The following TMPRSS2 variants were observed in gnomAD, a reference collection of about 807,000 sequenced individuals.
TMPRSS2 encodes transmembrane protease serine 2.
A neutral mutation model predicts 67.4 loss-of-function variants in TMPRSS2; 59 were observed. The ratio of observed to expected loss-of-function variants is 0.88; its 90% CI spans 0.71 to 1.09. The LOEUF (loss-of-function observed/expected upper bound fraction) is 1.09, where lower values mean the gene tolerates loss of function less well. Ranked by LOEUF, TMPRSS2 falls within the 50% of genes least tolerant of loss-of-function variation. TMPRSS2 has a pLI of 0.00. For synonymous variants in TMPRSS2, 257 were observed against 257.0 expected, an observed-to-expected ratio of 1.00 and a Z score of 0.00; for missense variants, 668 against 642.7, an observed-to-expected ratio of 1.04 and a Z score of -0.43.
chr21:41,464,424 A>T lies in TMPRSS2; in HGVS notation c.*1718T>A, dbSNP rs1417653856. ...CAGGCTGCAGGAACTGAGGGCACCA[A>T]CCACAGGAGCACCAAGTCTGGCCTT... On this transcript the variant is annotated 3_prime_UTR_variant, in exon 14 of 14. Coordinates refer to ENST00000332149, the MANE Select transcript of TMPRSS2 (RefSeq NM_005656.4). 50 of 187,992 alleles carry T rather than the reference A, an allele frequency of 2.7e-4. 1 individual carries two copies. The East Asian group carries it at 4.3e-3, about 16-fold the overall frequency. 11.6% of individuals were successfully genotyped at this position (187,992 alleles called of 1,614,324 possible).
chr21:41,480,810 T>C (rs974265326), intron 5 of TMPRSS2, among the ~76,000 whole-genome samples: 2 of 152,102 alleles, frequency 1.3e-5, no homozygotes, highest in African/African-American at 4.8e-5. Flanking sequence ...AGTTAATTTT[T>C]CTGTTTTATT....
intron 7 of TMPRSS2, among the ~76,000 whole-genome samples, chr21:41,477,486 C>A (rs952975931): frequency 6.6e-6 from 1 of 152,148 alleles, no homozygotes; most frequent in Non-Finnish European, 1.5e-5. Flanking sequence ...AATAAAGCAG[C>A]CTCACAGAAT....
chr21:41,502,363 C>T (rs929672823), intron 1 of TMPRSS2: 2 of 984,916 alleles, frequency 2.0e-6, no homozygotes, highest in African/African-American at 3.5e-5. Context: ...GCAATGAAGT[C>T]TCCACTGACC....
rs551432766 is a variant in TMPRSS2, at chr21:41,498,958, C to T, written c.-56-769G>A. On this transcript the variant is annotated intron_variant, in intron 1 of 13. Coordinates refer to ENST00000332149, the MANE Select transcript of TMPRSS2 (RefSeq NM_005656.4). ...TGAGGAAGAGCAGGTGCAATCAGAC[C>T]GTCTTTCCCCGAGAACGTCCACAGG... 2.0e-5 allele frequency among the ~76,000 whole-genome samples: 3 copies of T among 151,082 alleles called. 1 individual carries two copies. Among genetic ancestry groups the T allele is most frequent in the South Asian group, 2.1e-4 (1 of 4,740 alleles).
At chr21:41,506,961 G>T (rs1449718827) in intron 1 of TMPRSS2, among the ~76,000 whole-genome samples, 2 of 152,168 alleles carry the variant, frequency 1.3e-5, no homozygotes, top group African/African-American at 2.4e-5. Flanking sequence ...AGCCCTGGGT[G>T]CTCCCTGCCC....
At chr21:41,490,289 C>T (rs1054370644) in intron 3 of TMPRSS2, among the ~76,000 whole-genome samples, 40 of 151,832 alleles carry the variant, frequency 2.6e-4, no homozygotes, top group Admixed American at 2.2e-3. Context: ...AAACTATCAT[C>T]ACTCTGTTAG....
In TMPRSS2 at chr21:41,488,397, A is replaced by G; in HGVS notation, c.442T>C (p.Cys148Arg). Residue 148 changes from cysteine to arginine, a missense_variant, in exon 5 of 14, where the codon TGT becomes CGT. Transcript: ENST00000332149. ...CCCAAGGTCAAGGCTGACTCACCAC[A>G]CCGATTCTCGTCCTCCCCGCCGGGG... The part of the protein sequence containing the change: ...HCPGGEDENR[C>R]VRLYGPNFIL... 1 of 1,612,174 alleles carries G rather than the reference A, an allele frequency of 6.2e-7. No individual in the cohort carries two copies. The highest frequency in any genetic ancestry group is 8.5e-7 in the Non-Finnish European group (1 of 1,179,048).
At position 41,464,321 on chromosome 21, in the gene TMPRSS2, G is replaced by A. The variant is rs1168357356; in HGVS notation, c.*1821C>T. Among the ~76,000 whole-genome samples the A allele has an allele frequency of 6.6e-6, 1 of 152,160 alleles. No individual in the cohort carries two copies. The highest frequency in any genetic ancestry group is 6.5e-5 in the Admixed American group (1 of 15,268). On this transcript the variant is annotated 3_prime_UTR_variant, in exon 14 of 14. Coordinates refer to ENST00000332149, the MANE Select transcript of TMPRSS2 (RefSeq NM_005656.4). The stretch of plus-strand genomic sequence containing the variant: ...TTTCTTTTGTAAATTGCAGTCTTGG[G>A]TATGTCTTTATTAGGAGCATGGAAA...
At chr21:41,489,704 T>A in intron 3 of TMPRSS2, 111 bp from the exon 4 acceptor site, 1 of 670,648 alleles carries the variant, frequency 1.5e-6, no homozygotes, top group Non-Finnish European at 2.5e-6. Flanking sequence ...AATTATTTCA[T>A]ATACACTTAA....
chr21:41,485,726 C>T (rs1275198250), intron 5 of TMPRSS2, among the ~76,000 whole-genome samples: 2 of 151,670 alleles, frequency 1.3e-5, no homozygotes, highest in African/African-American at 2.4e-5. Flanking sequence ...TACTCAATCT[C>T]AAAAACTCCC....
Position 41,494,429 on chromosome 21 carries a change from C to A in TMPRSS2, c.165G>T (p.Arg55Ser), listed in dbSNP as rs771536883. 2.5e-6 allele frequency: 4 copies of A among 1,612,690 alleles called. No individual in the cohort carries two copies. In the South Asian group the frequency reaches 4.4e-5, roughly 18 times the overall value. The change falls in exon 3 of 14, where the codon AGG becomes AGT. Residue 55 changes from arginine (R) to serine (S), a missense_variant. Transcript: ENST00000332149. ...CGGGGTTGGAAGCCTGCGTCAGGAC[C>A]CTCGGGGCGTACTGGGGCACGGGGG... ...YPSPVPQYAP[R>S]VLTQASNPVV...
In TMPRSS2 at chr21:41,473,268, A is replaced by C. The variant is rs568619174; in HGVS notation, c.899+57T>G. ...AGGGTTGAGACCTGCTCAAGGTCAC[A>C]GGGTGGCTGTAGGCCAGCCCTGAGC... On this transcript the variant is annotated intron_variant, in intron 9 of 13. Transcript: ENST00000332149. The C allele has an allele frequency of 3.4e-5, 52 of 1,509,422 alleles. No homozygotes were observed. The South Asian group carries it at 6.0e-4, about 17-fold the overall frequency. The allele number at this position is 1,509,422 out of a possible 1,614,324, so 93.5% of individuals were successfully genotyped here.
At chr21:41,481,782 G>C (rs1036006914) in intron 5 of TMPRSS2, among the ~76,000 whole-genome samples, 1 of 152,046 alleles carries the variant, frequency 6.6e-6, no homozygotes, top group African/African-American at 2.4e-5. Flanking sequence ...TATAAGATAA[G>C]CCAGGCATGG....
chr21:41,466,233 G>T (rs569583276), intron 13 of TMPRSS2, 80 bp from the exon 14 acceptor site: 3 of 1,455,686 alleles, frequency 2.1e-6, no homozygotes, highest in Non-Finnish European at 2.9e-6. Context: ...CTCTAGGTTC[G>T]CATGAAGCAC....
chr21:41,507,669 G>A (rs185419671), intron 1 of TMPRSS2, among the ~76,000 whole-genome samples: 1 of 152,216 alleles, frequency 6.6e-6, no homozygotes, highest in Non-Finnish European at 1.5e-5. Flanking sequence ...AGCACTCCCA[G>A]TCCTCCTCCC....
At chr21:41,470,769 G>T in intron 10 of TMPRSS2, 26 bp from the exon 11 acceptor site, 2 of 1,037,022 alleles carry the variant, frequency 1.9e-6, no homozygotes, top group Non-Finnish European at 2.8e-6. Context: ...AAAACACAGT[G>T]AGCCAGGCGG....
chr21:41,497,333 A>G (rs2091390824), intron 2 of TMPRSS2, among the ~76,000 whole-genome samples: 1 of 152,188 alleles, frequency 6.6e-6, no homozygotes, highest in East Asian at 1.9e-4. Flanking sequence ...GTCCTTCAAA[A>G]GTCCGAAGAT....
chr21:41,503,473 C>A (rs1490360632), intron 1 of TMPRSS2, among the ~76,000 whole-genome samples: 2 of 152,196 alleles, frequency 1.3e-5, no homozygotes, highest in African/African-American at 4.8e-5. Flanking sequence ...ATGGTGAGCA[C>A]TCAATAATAA....
At position 41,490,991 on chromosome 21, in the gene TMPRSS2, C is replaced by T. The variant is rs184365262; in HGVS notation, c.239-1398G>A. 6.5e-4 allele frequency among the ~76,000 whole-genome samples: 99 copies of T among 152,324 alleles called. 1 individual carries two copies. The highest frequency in any genetic ancestry group is 6.0e-4 in the Non-Finnish European group (41 of 68,022). ...GATAAGCTCAGAGCTGACCCATCTG[C>T]TGAGGGCTCGATGCCATACCTCTCT... is the stretch of plus-strand genomic sequence containing the variant. On this transcript the variant is annotated intron_variant, in intron 3 of 13. Coordinates refer to ENST00000332149, the MANE Select transcript of TMPRSS2 (RefSeq NM_005656.4).
Sources: gnomAD v4.1 joint callset for allele counts (sites outside exome capture counted in the v4.1 genomes callset) on GRCh38, gnomAD v4.1.1 for gene constraint, MANE v1.5 for transcripts, NCBI Gene and HGNC (gene_info 2026-07-23, HGNC 2026-07-21) for gene names.